The following HIP1 variants were observed in gnomAD, a reference collection of about 807,000 sequenced individuals.
The protein encoded by HIP1 is huntingtin-interacting protein 1.
HIP1 carries 65 observed loss-of-function variants against 147.6 expected under a neutral mutation model. The ratio of observed to expected loss-of-function variants is 0.44; its 90% confidence interval spans 0.36 to 0.54. The LOEUF (loss-of-function observed/expected upper bound fraction) is 0.54. Among genes scored for constraint, HIP1 ranks in the 20% least tolerant of loss-of-function variants. The pLI is 0.00. For synonymous variants in HIP1, 479 were observed against 504.0 expected, an observed-to-expected ratio of 0.95 and a Z score of 0.67; for missense variants, 1,061 against 1,299.6, an observed-to-expected ratio of 0.82 and a Z score of 2.82.
At chr7:75,669,241 C>T (rs574705278) in intron 1 of HIP1, among the ~76,000 whole-genome samples, 5 of 151,794 alleles carry the variant, frequency 3.3e-5, no homozygotes, top group South Asian at 2.1e-4. Flanking sequence ...GGCATGGCGG[C>T]GGGCGCCTGT....
chr7:75,589,621 T>TGCAGTGAG (rs1213911255), intron 4 of HIP1, among the ~76,000 whole-genome samples: 3 of 116,706 alleles, frequency 2.6e-5, no homozygotes, highest in African/African-American at 3.3e-5. Flanking sequence ...TGGCGAAGGG[T>TGCAGTGAG]GCAGTGAGCT....
chr7:75,568,675 C>T lies in HIP1; in HGVS notation c.746-419G>A, dbSNP rs1795501288. Among the ~76,000 whole-genome samples, 1 of 152,182 alleles carries T rather than the reference C, an allele frequency of 6.6e-6. No homozygotes were observed. Among genetic ancestry groups the T allele is most frequent in the Non-Finnish European group, 1.5e-5 (1 of 68,038 alleles). On this transcript the variant is annotated intron_variant, in intron 8 of 30. Transcript: ENST00000336926. The surrounding 1 kb of genome is among the most constrained non-coding windows in gnomAD (Gnocchi z 4.1). ...CTGATATTAGTCTGGAAGAGATCCG[C>T]AGAACCTGCCCAAGAGGATGGCTGT...
At chr7:75,684,220 G>A (rs1339657977) in intron 1 of HIP1, among the ~76,000 whole-genome samples, 5 of 152,068 alleles carry the variant, frequency 3.3e-5, no homozygotes, top group South Asian at 2.1e-4. Flanking sequence ...GCCAAGGTAG[G>A]TGGATCGCCG....
At chr7:75,547,681 G>T in intron 24 of HIP1, 74 bp downstream of exon 24, 1 of 1,237,948 alleles carries the variant, frequency 8.1e-7, no homozygotes. Context: ...TCCCTAATAA[G>T]TATGCAAAGT....
chr7:75,661,924 C>T (rs1799331439), intron 1 of HIP1, among the ~76,000 whole-genome samples: 1 of 151,898 alleles, frequency 6.6e-6, no homozygotes, highest in Non-Finnish European at 1.5e-5. Context: ...GGCAATCAGG[C>T]TTTTAAGGAT....
At chr7:75,656,984 C>A (rs1799161681) in intron 1 of HIP1, among the ~76,000 whole-genome samples, 3 of 152,190 alleles carry the variant, frequency 2.0e-5, no homozygotes, top group African/African-American at 7.2e-5. Context: ...CCCTGAAGCA[C>A]TATTCCCAAG....
At chr7:75,573,711 C>T (rs1795731988) in intron 8 of HIP1, 50 bp downstream of exon 8, 1 of 1,575,266 alleles carries the variant, frequency 6.3e-7, no homozygotes, top group Non-Finnish European at 8.7e-7. Context: ...GGCTGGGATC[C>T]TCCCTCTGGC....
chr7:75,640,315 TCACA>T (rs1554510295), intron 1 of HIP1, among the ~76,000 whole-genome samples: 1 of 152,110 alleles, frequency 6.6e-6, no homozygotes, highest in African/African-American at 2.4e-5. Context: ...GTGCCCCAGG[TCACA>T]CACCCGGCAG....
At position 75,691,570 on chromosome 7, in the gene HIP1, G is replaced by T. The variant is rs181891339; in HGVS notation, c.120+47231C>A. Among the ~76,000 whole-genome samples, 132 of 151,934 alleles carry T rather than the reference G, an allele frequency of 8.7e-4. No individual in the cohort carries two copies. In the East Asian group the frequency reaches 0.016, roughly 18 times the overall value. On this transcript the variant is annotated intron_variant, in intron 1 of 30. Coordinates refer to ENST00000336926, the MANE Select transcript of HIP1 (RefSeq NM_005338.7). The stretch of plus-strand genomic sequence containing the variant: ...TCCCAGCACTTTGGGAGGCTGAGGC[G>T]GGTGGATTACTTGAGGTCAGGAGTT...
chr7:75,539,200 A>C (rs1474743642), intron 30 of HIP1, 123 bp downstream of exon 30: 5 of 683,998 alleles, frequency 7.3e-6, no homozygotes, highest in Admixed American at 2.3e-5. Flanking sequence ...ATGAGGAGAG[A>C]AGAGAAGGAA....
At chr7:75,715,913 G>A (rs556558843) in intron 1 of HIP1, among the ~76,000 whole-genome samples, 46 of 152,152 alleles carry the variant, frequency 3.0e-4, no homozygotes, top group African/African-American at 1.0e-3. Flanking sequence ...GAAGGGGAAG[G>A]GGAAGGGGAA....
chr7:75,625,987 T>TC (rs1249441724), intron 1 of HIP1: 29 of 151,838 alleles, frequency 1.9e-4, no homozygotes, highest in Admixed American at 1.9e-3. Context: ...TCTTCTACCT[T>TC]TTTTTTTGCC....
intron 1 of HIP1, among the ~76,000 whole-genome samples, chr7:75,613,835 C>A (rs368520330): frequency 1.3e-5 from 2 of 152,292 alleles, no homozygotes; most frequent in East Asian, 3.9e-4. Flanking sequence ...GAGCAATCTC[C>A]CATCTCAGCC....
At chr7:75,634,459 A>G (rs1798354465) in intron 1 of HIP1, among the ~76,000 whole-genome samples, 1 of 152,204 alleles carries the variant, frequency 6.6e-6, no homozygotes, top group Non-Finnish European at 1.5e-5. Context: ...CCTTTTATTT[A>G]TTATATCGCT....
At chr7:75,615,695 C>T (rs1319305774) in intron 1 of HIP1, among the ~76,000 whole-genome samples, 1 of 152,074 alleles carries the variant, frequency 6.6e-6, no homozygotes, top group Non-Finnish European at 1.5e-5. Context: ...ATCGATTGAG[C>T]CCAGGAGGTG....
intron 1 of HIP1, among the ~76,000 whole-genome samples, chr7:75,732,743 C>T (rs1801877114): frequency 6.6e-6 from 1 of 152,098 alleles, no homozygotes; most frequent in Non-Finnish European, 1.5e-5. Flanking sequence ...TCCTCTAATC[C>T]CAGAACTCAC....
intron 1 of HIP1, among the ~76,000 whole-genome samples, chr7:75,640,756 AATAATAATAAT>A (rs1563264071): frequency 1.8e-4 from 22 of 121,406 alleles, no homozygotes; most frequent in South Asian, 1.3e-3. Context: ...CCATCTCAAT[AATAATAATAAT>A]AATAATAATA....
At position 75,535,657 on chromosome 7, in the gene HIP1, G is replaced by C; in HGVS notation, c.*2515C>G. 5.5e-6 allele frequency: 1 copy of C among 181,940 alleles called. No homozygotes were observed. Among genetic ancestry groups the C allele is most frequent in the East Asian group, 9.0e-5 (1 of 11,162 alleles). 11.3% of individuals were successfully genotyped at this position (181,940 alleles called of 1,614,324 possible). A position where few individuals can be genotyped will look rare whatever the true frequency, so the allele number is the denominator to read the frequency against. ...TTACAGGCATGCGCCACTGTGCCCG[G>C]CTGGGCAGAGAATCTTAATTTGATC... On this transcript the variant is annotated 3_prime_UTR_variant, in exon 31 of 31. Coordinates refer to ENST00000336926, the MANE Select transcript of HIP1 (RefSeq NM_005338.7).
intron 16 of HIP1, 28 bp downstream of exon 16, chr7:75,557,626 T>A: frequency 6.1e-6 from 9 of 1,480,178 alleles, no homozygotes; most frequent in South Asian, 1.1e-5. Flanking sequence ...CCCTCCCTCA[T>A]TTCCCGAGTG....
Sources: gnomAD v4.1 joint callset for allele counts (sites outside exome capture counted in the v4.1 genomes callset) on GRCh38, gnomAD v4.1.1 for gene constraint, Gnocchi (gnomAD v3.1) non-coding constraint, MANE v1.5 for transcripts, NCBI Gene and HGNC (gene_info 2026-07-23, HGNC 2026-07-21) for gene names.